Variants in CMSS1 observed in about 807,000 individuals in gnomAD.
The protein encoded by CMSS1 is protein CMSS1.
Under a neutral mutation model 43.5 loss-of-function variants are expected in CMSS1, and 33 were observed. The observed-to-expected ratio is 0.76, with a 90% CI of 0.57 to 1.01. The LOEUF is 1.01. CMSS1 is among the 50% of genes least tolerant of loss of function. The pLI, the probability that CMSS1 is intolerant of heterozygous loss-of-function variation, is 0.00. For missense variants in CMSS1, 313 were observed against 326.4 expected, an observed-to-expected ratio of 0.96 and a Z score of 0.32; for synonymous variants, 115 against 117.2, an observed-to-expected ratio of 0.98 and a Z score of 0.12.
intron 1 of CMSS1, among the ~76,000 whole-genome samples, chr3:99,934,780 G>T (rs1266979391): frequency 1.3e-5 from 2 of 152,178 alleles, no homozygotes; most frequent in Non-Finnish European, 2.9e-5. Flanking sequence ...TAGATCATTT[G>T]CCAGTGATGA....
At chr3:99,886,614 CATT>C (rs1705907285) in intron 1 of CMSS1, among the ~76,000 whole-genome samples, 1 of 151,976 alleles carries the variant, frequency 6.6e-6, no homozygotes, top group African/African-American at 2.4e-5. Flanking sequence ...AAAAAATTAA[CATT>C]AAATTAAGAT....
chr3:99,994,996 T>G (rs1709634526), intron 1 of CMSS1, among the ~76,000 whole-genome samples: 2 of 152,010 alleles, frequency 1.3e-5, no homozygotes, highest in Non-Finnish European at 2.9e-5. Context: ...CCCTGGCCCC[T>G]CCAAATCTCA....
At chr3:99,861,096 C>T (rs1576522833) in intron 1 of CMSS1, among the ~76,000 whole-genome samples, 1 of 152,070 alleles carries the variant, frequency 6.6e-6, no homozygotes, top group East Asian at 1.9e-4. Context: ...CCCACCACCA[C>T]TCTGAATTGG....
intron 4 of CMSS1, among the ~76,000 whole-genome samples, chr3:100,163,157 A>T (rs923707486): frequency 6.6e-6 from 1 of 152,174 alleles, no homozygotes; most frequent in Non-Finnish European, 1.5e-5. Flanking sequence ...TTGGGTGTGC[A>T]TTTTTAACAA....
intron 2 of CMSS1, among the ~76,000 whole-genome samples, chr3:100,148,905 A>G (rs1044372270): frequency 2.6e-5 from 4 of 152,166 alleles, no homozygotes; most frequent in Admixed American, 6.5e-5. Context: ...TTTAGTTTCA[A>G]TCATTCTTCT....
chr3:100,004,844 G>A (rs1709943801), intron 1 of CMSS1, among the ~76,000 whole-genome samples: 1 of 152,194 alleles, frequency 6.6e-6, no homozygotes, highest in Non-Finnish European at 1.5e-5. Flanking sequence ...GGGCAGGTGG[G>A]GAAAATCTGG....
chr3:99,848,988 G>A (rs747667193), intron 1 of CMSS1: 2 of 1,614,008 alleles, frequency 1.2e-6, no homozygotes, highest in East Asian at 2.2e-5. Flanking sequence ...GCCCAGGTGT[G>A]TGGCTTAGGA....
chr3:99,860,543 G>A (rs528502846), intron 1 of CMSS1, among the ~76,000 whole-genome samples: 1 of 152,280 alleles, frequency 6.6e-6, no homozygotes, highest in South Asian at 2.1e-4. Flanking sequence ...ACAAGTAAAA[G>A]GCCAGTCTGA....
Position 99,941,097 on chromosome 3 carries a change from A to C in CMSS1, c.64+123054A>C, listed in dbSNP as rs1707836982. Among the ~76,000 whole-genome samples, 3 of 152,252 alleles carry C rather than the reference A, an allele frequency of 2.0e-5. No homozygotes were observed. The South Asian group carries it at 6.2e-4, about 31-fold the overall frequency. On this transcript the variant is annotated intron_variant, in intron 1 of 9. Coordinates refer to ENST00000421999, the MANE Select transcript of CMSS1 (RefSeq NM_032359.4). The stretch of plus-strand genomic sequence containing the variant: ...TATAAGTTTAGTCTGAAACATTTGC[A>C]CTTTCTCTTTTTAGGGGAAGAGAGG...
chr3:100,101,310 T>C (rs771687746), intron 1 of CMSS1, among the ~76,000 whole-genome samples: 2 of 152,148 alleles, frequency 1.3e-5, no homozygotes, highest in Admixed American at 6.5e-5. Context: ...AGGGAGTGCA[T>C]TGACTTCGTT....
intron 1 of CMSS1, among the ~76,000 whole-genome samples, chr3:99,963,170 G>T (rs1248400161): frequency 3.9e-5 from 6 of 152,208 alleles, no homozygotes; most frequent in Admixed American, 2.0e-4. Flanking sequence ...CTTACTCTTA[G>T]GGAAACCTTT....
intron 1 of CMSS1, among the ~76,000 whole-genome samples, chr3:100,046,970 A>G (rs137902268): frequency 0.015 from 2,320 of 152,340 alleles, 54 homozygotes; most frequent in African/African-American, 0.052. Flanking sequence ...ATGGAGAAAG[A>G]GGCTGTTATT....
chr3:99,873,269 A>T (rs1056519323), intron 1 of CMSS1, among the ~76,000 whole-genome samples: 2 of 152,232 alleles, frequency 1.3e-5, no homozygotes, highest in Non-Finnish European at 2.9e-5. Context: ...AGCTGAATTC[A>T]TGGTCAAATA....
At chr3:100,171,775 A>T (rs946623888) in intron 6 of CMSS1, 64 bp from the exon 7 acceptor site, 1 of 1,244,212 alleles carries the variant, frequency 8.0e-7, no homozygotes, top group East Asian at 2.3e-5. Context: ...CATAATACTT[A>T]AGTAGTCATC....
In CMSS1 at chr3:100,079,185, C is replaced by T. The variant is rs189531284; in HGVS notation, c.65-67788C>T. 5.3e-5 allele frequency among the ~76,000 whole-genome samples: 8 copies of T among 152,302 alleles called. No homozygotes were observed. In the East Asian group the frequency reaches 1.2e-3, roughly 22 times the overall value. On this transcript the variant is annotated intron_variant, in intron 1 of 9. Coordinates refer to ENST00000421999, the MANE Select transcript of CMSS1 (RefSeq NM_032359.4). ...TCTTTACAGCATGGTGACTGGCTTA[C>T]GAGAATGCAAAGGTGAGAGTCGCCA... is the stretch of plus-strand genomic sequence containing the variant.
chr3:100,113,049 C>G (rs1231628790), intron 1 of CMSS1, among the ~76,000 whole-genome samples: 1 of 152,198 alleles, frequency 6.6e-6, no homozygotes, highest in African/African-American at 2.4e-5. Flanking sequence ...ATCTAATACA[C>G]ACGTGGAATA....
At chr3:99,928,248 C>A (rs1488851700) in intron 1 of CMSS1, among the ~76,000 whole-genome samples, 1 of 152,170 alleles carries the variant, frequency 6.6e-6, no homozygotes, top group African/African-American at 2.4e-5. Flanking sequence ...CGGGGCATTC[C>A]CCTCTCACCT....
intron 1 of CMSS1, among the ~76,000 whole-genome samples, chr3:100,081,759 A>G (rs1576033516): frequency 6.6e-6 from 1 of 152,086 alleles, no homozygotes; most frequent in Non-Finnish European, 1.5e-5. Context: ...TTTATTATCA[A>G]TGTCTTTTCT....
At chr3:100,014,295 A>G (rs926551893) in intron 1 of CMSS1, among the ~76,000 whole-genome samples, 1 of 152,078 alleles carries the variant, frequency 6.6e-6, no homozygotes, top group African/African-American at 2.4e-5. Context: ...TAATGCTGCA[A>G]TGAATATGAG....
Sources: gnomAD v4.1 joint callset for allele counts (sites outside exome capture counted in the v4.1 genomes callset) on GRCh38, gnomAD v4.1.1 for gene constraint, MANE v1.5 for transcripts, NCBI Gene and HGNC (gene_info 2026-07-23, HGNC 2026-07-21) for gene names.